TMC5: variants seen among roughly 807,000 people sequenced by gnomAD.
The protein encoded by TMC5 is transmembrane channel like 5.
In TMC5, 86 loss-of-function variants were observed where a neutral mutation model predicts 110.5. That is an observed-to-expected ratio of 0.78 (90% CI 0.65 to 0.93). The LOEUF (loss-of-function observed/expected upper bound fraction) is 0.93, where lower values mean the gene tolerates loss of function less well. Among genes scored for constraint, TMC5 ranks in the 40% least tolerant of loss-of-function variants. TMC5 has a pLI of 0.00. For synonymous variants in TMC5, 455 were observed against 439.5 expected, an observed-to-expected ratio of 1.04 and a Z score of -0.44; for missense variants, 1,144 against 1,222.8, an observed-to-expected ratio of 0.94 and a Z score of 0.96.
At chr16:19,471,208 A>C (rs951199070) in intron 10 of TMC5, among the ~76,000 whole-genome samples, 2 of 152,020 alleles carry the variant, frequency 1.3e-5, no homozygotes, top group Admixed American at 6.6e-5. Flanking sequence ...CTCCCACCTC[A>C]GCCTGCTGAG....
chr16:19,497,610 G>A (rs1428935331), intron 21 of TMC5, among the ~76,000 whole-genome samples: 1 of 152,166 alleles, frequency 6.6e-6, no homozygotes, highest in African/African-American at 2.4e-5. Context: ...TGTAGATGCA[G>A]GTGGTGCAAC....
At chr16:19,457,080 CAT>C (rs1967896521) in intron 5 of TMC5, 3 of 1,403,784 alleles carry the variant, frequency 2.1e-6, no homozygotes, top group Non-Finnish European at 2.9e-6. Flanking sequence ...TTGTCCACAG[CAT>C]ATTTTACTTT....
Position 19,444,125 on chromosome 16 carries a change from G to T in TMC5, c.833G>T (p.Arg278Met). The change falls in exon 4 of 22, where the codon AGG becomes ATG. Residue 278 changes from arginine (R) to methionine (M), a missense_variant. Physicochemically the swap from Arg to Met is moderately conservative, Grantham distance 91 (BLOSUM62 -1). Coordinates refer to ENST00000542583, the MANE Select transcript of TMC5 (RefSeq NM_001261841.2). Reference sequence around the variant, plus strand: ...TCAATCCAGCCCTCATTTCGTCACAGGAGTGATGACCCCGTGGGCAGTCTT... The same window carrying T: ...TCAATCCAGCCCTCATTTCGTCACATGAGTGATGACCCCGTGGGCAGTCTT... ...TSSIQPSFRHRSDDPVGSLWG... is the reference protein window; with the variant it reads ...TSSIQPSFRHMSDDPVGSLWG... 6.2e-7 allele frequency: 1 copy of T among 1,614,170 alleles called. No individual in the cohort carries two copies. The highest frequency in any genetic ancestry group is 8.5e-7 in the Non-Finnish European group (1 of 1,180,028).
Position 19,424,733 on chromosome 16 carries a change from C to G in TMC5, c.-307-5680C>G, listed in dbSNP as rs114229302. 5.9e-3 allele frequency among the ~76,000 whole-genome samples: 904 copies of G among 152,300 alleles called. 13 individuals are homozygous for G. The highest frequency in any genetic ancestry group is 0.021 in the African/African-American group (868 of 41,560). On this transcript the variant is annotated intron_variant, in intron 1 of 21. Coordinates refer to ENST00000542583, the MANE Select transcript of TMC5 (RefSeq NM_001261841.2). Reference sequence around the variant, plus strand: ...GTAAGTTCCAGAAGAGTCCCAAGTTCAGGAGCTTCTGTCCCAGTGAGTTGG... The same window carrying G: ...GTAAGTTCCAGAAGAGTCCCAAGTTGAGGAGCTTCTGTCCCAGTGAGTTGG...
chr16:19,484,100 G>T (rs892862969), intron 15 of TMC5, among the ~76,000 whole-genome samples: 6 of 142,888 alleles, frequency 4.2e-5, no homozygotes, highest in Non-Finnish European at 9.2e-5. Context: ...AAAAAAAAAA[G>T]AATAGCTGCC....
chr16:19,498,192 C>T lies in TMC5; in HGVS notation c.*226C>T, dbSNP rs1969105494. ...TTCAAGACAAAATACTTGGGGTTTT[C>T]CAATAAAGATTGTTGTAATATTGAA... On this transcript the variant is annotated 3_prime_UTR_variant, in exon 22 of 22. Transcript: ENST00000542583. The T allele has an allele frequency of 1.9e-6, 1 of 533,980 alleles. No homozygotes were observed. The allele number at this position is 533,980 out of a possible 1,614,324, so 33.1% of individuals were successfully genotyped here.
At position 19,440,566 on chromosome 16, in the gene TMC5, A is replaced by G; in HGVS notation, c.528A>G (p.Arg176=). 2 of 1,614,222 alleles carry G rather than the reference A, an allele frequency of 1.2e-6. No individual in the cohort carries two copies. Among genetic ancestry groups the G allele is most frequent in the Non-Finnish European group, 1.7e-6 (2 of 1,180,040 alleles). The change falls in exon 3 of 22, where the codon AGA becomes AGG. Residue 176 remains arginine, a synonymous_variant. Coordinates refer to ENST00000542583, the MANE Select transcript of TMC5 (RefSeq NM_001261841.2). ...AQSNSDHPGP[R]ANLNHPGSRK... is the part of the protein sequence containing the mutation. ...GCAACTCTGATCATCCTGGACCCAG[A>G]GCCAATTTGAACCATCCAGGATCCA... is the stretch of plus-strand genomic sequence containing the variant.
intron 9 of TMC5, 143 bp downstream of exon 9, chr16:19,466,376 G>A: frequency 1.1e-6 from 1 of 930,010 alleles, no homozygotes; most frequent in Non-Finnish European, 1.6e-6. Flanking sequence ...TTCTTAGATA[G>A]AGTCTCGCTC....
chr16:19,433,872 G>A (rs1300116710), intron 2 of TMC5, among the ~76,000 whole-genome samples: 3 of 148,986 alleles, frequency 2.0e-5, no homozygotes, highest in Non-Finnish European at 3.0e-5. Flanking sequence ...CCAGGCTGGA[G>A]TACAATGGTG....
chr16:19,466,673 C>A (rs894069175), intron 9 of TMC5, among the ~76,000 whole-genome samples: 5 of 152,252 alleles, frequency 3.3e-5, no homozygotes, highest in Admixed American at 2.6e-4. Flanking sequence ...CTTTCCATTG[C>A]TGTCCAATTA....
chr16:19,445,876 G>A (rs1329183380), intron 4 of TMC5, among the ~76,000 whole-genome samples: 12 of 151,804 alleles, frequency 7.9e-5, no homozygotes, highest in Admixed American at 1.3e-4. Flanking sequence ...TTAGCTGGGC[G>A]TGGTGGCACA....
At chr16:19,481,489 T>C (rs1397455957) in intron 15 of TMC5, 24 bp downstream of exon 15, 10 of 1,521,890 alleles carry the variant, frequency 6.6e-6, no homozygotes, top group Middle Eastern at 1.7e-4. Flanking sequence ...CTCAGCAAAA[T>C]GCCCAGTGGT....
chr16:19,468,266 T>C (rs1968238325), intron 9 of TMC5, among the ~76,000 whole-genome samples: 1 of 152,184 alleles, frequency 6.6e-6, no homozygotes, highest in Non-Finnish European at 1.5e-5. Context: ...TTAGCCATCA[T>C]GCCCGGCCAG....
At chr16:19,482,277 T>G (rs1968638147) in intron 15 of TMC5, among the ~76,000 whole-genome samples, 1 of 152,094 alleles carries the variant, frequency 6.6e-6, no homozygotes, top group East Asian at 1.9e-4. Context: ...AGGCTGGTCT[T>G]GAACTCCTGA....
intron 15 of TMC5, among the ~76,000 whole-genome samples, chr16:19,482,412 T>C (rs1163154231): frequency 2.0e-5 from 3 of 152,154 alleles, no homozygotes; most frequent in Non-Finnish European, 4.4e-5. Context: ...AGCAGCCTGA[T>C]GGACTAACAC....
intron 1 of TMC5, among the ~76,000 whole-genome samples, chr16:19,420,165 G>A (rs920567929): frequency 1.3e-5 from 2 of 152,142 alleles, no homozygotes. Flanking sequence ...GGTGGGTCAC[G>A]TCTGTAATCC....
At chr16:19,464,395 G>A (rs1457801954) in intron 8 of TMC5, among the ~76,000 whole-genome samples, 1 of 152,202 alleles carries the variant, frequency 6.6e-6, no homozygotes, top group East Asian at 1.9e-4. Flanking sequence ...CTGCACTCCA[G>A]CCTGGGCAAC....
chr16:19,442,674 ATGTT>A (rs930198236), intron 3 of TMC5, among the ~76,000 whole-genome samples: 3 of 152,190 alleles, frequency 2.0e-5, no homozygotes, highest in African/African-American at 7.2e-5. Context: ...ATCAGTAACA[ATGTT>A]TGTCATGTGA....
chr16:19,485,373 C>G (rs72785324), intron 15 of TMC5, among the ~76,000 whole-genome samples: 6,635 of 152,194 alleles, frequency 0.044, 177 homozygotes, highest in African/African-American at 0.065. Flanking sequence ...TGTAAATGGC[C>G]AGACTGCTTT....
Sources: allele counts gnomAD v4.1 joint callset (sites outside exome capture counted in the v4.1 genomes callset), GRCh38; gene constraint gnomAD v4.1.1; transcripts MANE v1.5; gene names NCBI Gene and HGNC (gene_info 2026-07-23, HGNC 2026-07-21).